Variants in INSL6 observed in about 807,000 individuals in gnomAD.
The protein encoded by INSL6 is insulin-like peptide INSL6.
INSL6 carries 16 observed loss-of-function variants against 9.4 expected under a neutral mutation model. The observed-to-expected ratio is 1.70, with a 90% CI of 1.15 to 2.59. INSL6 has a LOEUF of 2.59. Among genes scored for constraint, INSL6 ranks in the 30% most tolerant of loss-of-function variants. The pLI, the probability that INSL6 is intolerant of heterozygous loss-of-function variation, is 0.00. For synonymous variants in INSL6, 154 were observed against 96.9 expected, an observed-to-expected ratio of 1.59 and a Z score of -3.46; for missense variants, 391 against 257.3, an observed-to-expected ratio of 1.52 and a Z score of -3.56.
the INSL6 span, chr9:5,100,798 T>G: frequency 6.6e-6 from 1 of 152,348 alleles, no homozygotes; most frequent in South Asian, 2.1e-4. Flanking sequence ...TTTTACTATC[T>G]CTGATGGGAT....
At chr9:5,080,360 A>G in the INSL6 span, 1 of 1,613,466 alleles carries the variant, frequency 6.2e-7, no homozygotes, top group Non-Finnish European at 8.5e-7. Context: ...TAAACCTCTA[A>G]GTGCTCTGGA....
the INSL6 span, among the ~76,000 whole-genome samples, chr9:5,000,523 G>C: frequency 6.6e-6 from 1 of 152,204 alleles, no homozygotes; most frequent in Non-Finnish European, 1.5e-5. Flanking sequence ...TCATTGTGTA[G>C]ATGGTTTTCT....
the INSL6 span, among the ~76,000 whole-genome samples, chr9:5,107,113 G>C: frequency 1.3e-5 from 2 of 152,094 alleles, no homozygotes; most frequent in Non-Finnish European, 2.9e-5. Flanking sequence ...TGTAGATGTA[G>C]TATGACTATT....
intron 3 of INSL6, chr9:5,127,924 A>C (rs1235763331): frequency 4.3e-6 from 1 of 232,366 alleles, no homozygotes; most frequent in Admixed American, 5.6e-5. Flanking sequence ...ATTTTATTCA[A>C]GAATGCCAGT....
chr9:5,053,379 C>T, the INSL6 span, among the ~76,000 whole-genome samples: 1 of 152,036 alleles, frequency 6.6e-6, no homozygotes, highest in African/African-American at 2.4e-5. Context: ...ATACAAGTCT[C>T]CACATATAAT....
chr9:5,053,701 G>T, the INSL6 span, among the ~76,000 whole-genome samples: 1 of 152,014 alleles, frequency 6.6e-6, no homozygotes, highest in South Asian at 2.1e-4. Context: ...GCTGTGGCCA[G>T]AAGGAAATGT....
the INSL6 span, among the ~76,000 whole-genome samples, chr9:5,026,858 T>C: frequency 6.6e-6 from 1 of 152,246 alleles, no homozygotes; most frequent in South Asian, 2.1e-4. Context: ...AAATATCTTT[T>C]AAGAAATTAC....
the INSL6 span, among the ~76,000 whole-genome samples, chr9:5,093,647 G>A: frequency 3.9e-5 from 6 of 151,986 alleles, no homozygotes; most frequent in African/African-American, 1.2e-4. Context: ...TTCAACCTCC[G>A]AACAACCTAA....
chr9:5,166,616 A>G (rs1825057555), intron 1 of INSL6, among the ~76,000 whole-genome samples: 1 of 152,220 alleles, frequency 6.6e-6, no homozygotes, highest in African/African-American at 2.4e-5. Flanking sequence ...CTGGTACACA[A>G]TGACACAGAA....
chr9:5,152,163 CACTA>C (rs1232721016), intron 2 of INSL6, among the ~76,000 whole-genome samples: 5 of 152,144 alleles, frequency 3.3e-5, no homozygotes, highest in Admixed American at 6.5e-5. Context: ...ACTTTTATCT[CACTA>C]ACTGAGAGAA....
the INSL6 span, chr9:5,044,281 G>A: frequency 3.0e-6 from 2 of 664,710 alleles, no homozygotes; most frequent in Non-Finnish European, 5.3e-6. Context: ...ATTTAATACT[G>A]TTAGCTGTGT....
At chr9:4,998,709 CA>C in the INSL6 span, among the ~76,000 whole-genome samples, 2 of 149,546 alleles carry the variant, frequency 1.3e-5, no homozygotes, top group African/African-American at 4.9e-5. Context: ...AGAAGTAGCT[CA>C]AAATCTCCTA....
At chr9:5,102,807 G>T in the INSL6 span, among the ~76,000 whole-genome samples, 1 of 152,120 alleles carries the variant, frequency 6.6e-6, no homozygotes, top group East Asian at 1.9e-4. Flanking sequence ...CTTCATAAGT[G>T]AAGGAGAAAT....
chr9:5,123,635 AC>A (rs1404633452), downstream of INSL6, among the ~76,000 whole-genome samples: 4 of 151,982 alleles, frequency 2.6e-5, no homozygotes, highest in Non-Finnish European at 5.9e-5. Context: ...TCTTTTTGAT[AC>A]AGTGATTTCT....
At chr9:5,093,133 A>T in the INSL6 span, among the ~76,000 whole-genome samples, 1 of 152,200 alleles carries the variant, frequency 6.6e-6, no homozygotes, top group Non-Finnish European at 1.5e-5. Context: ...ATAAGCTTAC[A>T]TAAGACTGGA....
At chr9:5,041,980 T>C in the INSL6 span, 1 of 366,622 alleles carries the variant, frequency 2.7e-6, no homozygotes, top group Non-Finnish European at 5.3e-6. Context: ...GGGAGCGAGC[T>C]TGTGTGAGGG....
At chr9:5,129,281 AAT>A (rs1330505314) in intron 3 of INSL6, among the ~76,000 whole-genome samples, 6 of 152,184 alleles carry the variant, frequency 3.9e-5, no homozygotes, top group African/African-American at 1.2e-4. Flanking sequence ...TGATGTAGTA[AAT>A]ATTCAGAAGC....
intron 2 of INSL6, among the ~76,000 whole-genome samples, chr9:5,157,426 C>G (rs1824837382): frequency 6.6e-6 from 1 of 151,970 alleles, no homozygotes; most frequent in Non-Finnish European, 1.5e-5. Flanking sequence ...AAAAAAGAGA[C>G]TGTCAGAAAT....
At chr9:5,102,282 AG>A in the INSL6 span, among the ~76,000 whole-genome samples, 7 of 152,210 alleles carry the variant, frequency 4.6e-5, no homozygotes, top group Non-Finnish European at 1.0e-4. Flanking sequence ...AGTGGAAGAA[AG>A]GGTATCAGTG....
Sources: gnomAD v4.1 joint callset for allele counts (sites outside exome capture counted in the v4.1 genomes callset) on GRCh38, gnomAD v4.1.1 for gene constraint, MANE v1.5 for transcripts, NCBI Gene and HGNC (gene_info 2026-07-23, HGNC 2026-07-21) for gene names.